The following NCKAP5 variants were observed in gnomAD, a reference collection of about 807,000 sequenced individuals.
NCKAP5 encodes NCK associated protein 5.
A neutral mutation model predicts 167.0 loss-of-function variants in NCKAP5; 92 were observed. The observed-to-expected ratio is 0.55, with a 90% CI of 0.47 to 0.66. The LOEUF is 0.66. NCKAP5 is among the 30% of genes least tolerant of loss of function. The probability of loss-of-function intolerance (pLI) is 0.00; values close to 1 mark genes in which losing one functional copy is unlikely to be tolerated. For missense variants in NCKAP5, 2,378 were observed against 2,315.0 expected (o/e 1.03, Z -0.56); for synonymous variants, 891 against 877.4 (o/e 1.02, Z -0.27).
the NCKAP5 span, among the ~76,000 whole-genome samples, chr2:133,637,476 C>CAAAAAAA: frequency 3.2e-4 from 10 of 31,664 alleles, no homozygotes; most frequent in African/African-American, 1.4e-3. Context: ...TGGTATTTTC[C>CAAAAAAA]AAAAAAAAAA....
chr2:133,059,248 C>T (rs905856926), intron 6 of NCKAP5, among the ~76,000 whole-genome samples: 5 of 151,570 alleles, frequency 3.3e-5, no homozygotes, highest in Non-Finnish European at 7.4e-5. Flanking sequence ...TGCAGTGAGC[C>T]GAGATCGCGC....
intron 5 of NCKAP5, among the ~76,000 whole-genome samples, chr2:133,151,012 T>C (rs570781929): frequency 6.6e-6 from 1 of 152,300 alleles, no homozygotes; most frequent in South Asian, 2.1e-4. Context: ...AGGTAATCCA[T>C]GTCATTAGGC....
chr2:132,837,059 G>T (rs139412453), intron 11 of NCKAP5, among the ~76,000 whole-genome samples: 1 of 152,204 alleles, frequency 6.6e-6, no homozygotes. Flanking sequence ...GTAGTAGGTT[G>T]AGCATTTCAT....
intron 6 of NCKAP5, among the ~76,000 whole-genome samples, chr2:133,068,957 A>C (rs555345362): frequency 7.8e-4 from 118 of 152,220 alleles, no homozygotes; most frequent in Non-Finnish European, 1.2e-3. Flanking sequence ...CAAACATTAA[A>C]ATTTCAAGTT....
chr2:132,706,310 T>C lies in NCKAP5; in HGVS notation c.5713+19317A>G, dbSNP rs546854283. On this transcript the variant is annotated intron_variant, in intron 19 of 19. Transcript: ENST00000409261. ...TTGACTTAGCAGATCACTGGCTGAA[T>C]AAAAAACTCACTGCTCTGGGCCACC... 1.3e-3 allele frequency among the ~76,000 whole-genome samples: 192 copies of C among 152,260 alleles called. 1 individual carries two copies. Among genetic ancestry groups the C allele is most frequent in the African/African-American group, 3.7e-3 (153 of 41,560 alleles).
chr2:133,431,758 A>G (rs139636821), intron 3 of NCKAP5: 133 of 152,262 alleles, frequency 8.7e-4, no homozygotes, highest in African/African-American at 3.1e-3. Context: ...ACCATCATCA[A>G]AGATGGGCAA....
chr2:132,748,804 G>C (rs1437396012), intron 16 of NCKAP5, among the ~76,000 whole-genome samples: 3 of 149,082 alleles, frequency 2.0e-5, no homozygotes, highest in Non-Finnish European at 3.0e-5. Flanking sequence ...TTTTTTTTGA[G>C]ACGGATTCTC....
At chr2:133,481,938 C>A (rs776374312) in intron 3 of NCKAP5, among the ~76,000 whole-genome samples, 20 of 152,134 alleles carry the variant, frequency 1.3e-4, no homozygotes, top group Non-Finnish European at 2.1e-4. Context: ...TTCAATCTTA[C>A]TATATATTTG....
intron 6 of NCKAP5, among the ~76,000 whole-genome samples, chr2:133,051,245 A>G (rs1194453680): frequency 6.6e-6 from 1 of 151,912 alleles, no homozygotes; most frequent in Non-Finnish European, 1.5e-5. Context: ...AACTAATTAA[A>G]CTCTTTTTCT....
chr2:132,685,393 T>C (rs1204411841), intron 19 of NCKAP5, among the ~76,000 whole-genome samples: 1 of 152,162 alleles, frequency 6.6e-6, no homozygotes, highest in Non-Finnish European at 1.5e-5. Context: ...GTGTGACCAG[T>C]GGCCCCATTC....
chr2:133,526,616 C>A (rs1684947816), intron 2 of NCKAP5, among the ~76,000 whole-genome samples: 1 of 152,056 alleles, frequency 6.6e-6, no homozygotes, highest in Non-Finnish European at 1.5e-5. Context: ...GGGCTTAGAC[C>A]AGGGTAAGCG....
chr2:133,628,294 G>A, the NCKAP5 span, among the ~76,000 whole-genome samples: 2 of 152,118 alleles, frequency 1.3e-5, no homozygotes, highest in Admixed American at 1.3e-4. Context: ...CTTCAGCAAA[G>A]TGTCAGGATA....
rs377251938 is a variant in NCKAP5 at position 132,828,199 on chromosome 2, T to C, written c.808-31470A>G. On this transcript the variant is annotated intron_variant, in intron 11 of 19. Transcript: ENST00000409261. ...GAACTGTGAGAAAATACAGTTCTAT[T>C]GTTCATAAATGGTCCAATCTGTGCT... Among the ~76,000 whole-genome samples the C allele has an allele frequency of 3.3e-5, 5 of 152,284 alleles. No individual in the cohort carries two copies. The East Asian group carries it at 7.7e-4, about 24-fold the overall frequency.
At chr2:132,970,634 C>T (rs890243525) in intron 7 of NCKAP5, among the ~76,000 whole-genome samples, 5 of 152,160 alleles carry the variant, frequency 3.3e-5, no homozygotes, top group Admixed American at 2.0e-4. Flanking sequence ...TATTAAATTT[C>T]ACCTTGTCGC....
intron 2 of NCKAP5, among the ~76,000 whole-genome samples, chr2:133,526,165 GAGGA>G (rs1203618783): frequency 0.1 from 7,270 of 69,970 alleles, 656 homozygotes; most frequent in Middle Eastern, 0.18. Flanking sequence ...GAAAGGGAAT[GAGGA>G]AGGAAGGAAG....
chr2:133,414,371 T>C (rs1234333424), intron 3 of NCKAP5, among the ~76,000 whole-genome samples: 1 of 152,210 alleles, frequency 6.6e-6, no homozygotes, highest in Non-Finnish European at 1.5e-5. Context: ...ATTAGAAACC[T>C]GTCCCCTTTG....
the NCKAP5 span, among the ~76,000 whole-genome samples, chr2:133,670,967 G>A: frequency 6.6e-6 from 1 of 152,112 alleles, no homozygotes; most frequent in East Asian, 1.9e-4. Context: ...TGTAATCCCA[G>A]CACTTTGGGA....
intron 16 of NCKAP5, among the ~76,000 whole-genome samples, chr2:132,733,412 G>A (rs375923668): frequency 2.6e-4 from 40 of 152,286 alleles, no homozygotes; most frequent in African/African-American, 9.6e-4. Flanking sequence ...AAGAACAGAG[G>A]CTTGTGGTGT....
intron 5 of NCKAP5, among the ~76,000 whole-genome samples, chr2:133,188,168 G>A (rs922361106): frequency 6.6e-6 from 1 of 151,800 alleles, no homozygotes; most frequent in Non-Finnish European, 1.5e-5. Context: ...AGGCAGACCT[G>A]GTGGTGACAA....
Sources: allele counts gnomAD v4.1 joint callset (sites outside exome capture counted in the v4.1 genomes callset), GRCh38; gene constraint gnomAD v4.1.1; transcripts MANE v1.5; gene names NCBI Gene and HGNC (gene_info 2026-07-23, HGNC 2026-07-21).